DKK2: variants seen among roughly 807,000 people sequenced by gnomAD.
DKK2 encodes the protein dickkopf-related protein 2.
Under a neutral mutation model 28.1 loss-of-function variants are expected in DKK2, and 11 were observed. The observed-to-expected ratio is 0.39, with a 90% confidence interval of 0.25 to 0.65. The LOEUF (loss-of-function observed/expected upper bound fraction) is 0.65. Ranked by LOEUF, DKK2 falls within the 30% of genes least tolerant of loss-of-function variation. DKK2 has a pLI of 0.47. For missense variants in DKK2, 326 were observed against 335.5 expected (o/e 0.97, Z 0.22); for synonymous variants, 135 against 126.5 (o/e 1.07, Z -0.45).
chr4:107,032,997 G>C lies in DKK2; in HGVS notation c.222+2373C>G, dbSNP rs948164513. Among the ~76,000 whole-genome samples, 11 of 150,942 alleles carry C rather than the reference G, an allele frequency of 7.3e-5. No individual in the cohort carries two copies. In the South Asian group the frequency reaches 1.0e-3, roughly 14 times the overall value. Reference sequence around the variant, plus strand: ...AACTATAGAATAAAAAAGATAAAGAGACTCATAAGTATCCAAAGAATTATT... The same window carrying C: ...AACTATAGAATAAAAAAGATAAAGACACTCATAAGTATCCAAAGAATTATT... On this transcript the variant is annotated intron_variant, in intron 1 of 3. Transcript: ENST00000285311.
At chr4:106,966,850 C>G (rs1722787922) in intron 1 of DKK2, among the ~76,000 whole-genome samples, 1 of 152,140 alleles carries the variant, frequency 6.6e-6, no homozygotes, top group African/African-American at 2.4e-5. Context: ...CAGGAAAGAC[C>G]TACCCTCATA....
rs148156213 is a variant in DKK2, at chr4:106,953,724, C to A, written c.223-27775G>T. Among the ~76,000 whole-genome samples, 119 of 152,298 alleles carry A rather than the reference C, an allele frequency of 7.8e-4. 1 individual carries two copies. The highest frequency in any genetic ancestry group is 2.6e-3 in the African/African-American group (109 of 41,562). On this transcript the variant is annotated intron_variant, in intron 1 of 3. Transcript: ENST00000285311. ...CTCCTTCAGAAGTGGAACACTTTAACCTCTTTCTGACATTTCAGAATCACA... is the reference window on the plus strand; with the variant it reads ...CTCCTTCAGAAGTGGAACACTTTAAACTCTTTCTGACATTTCAGAATCACA...
intron 1 of DKK2, among the ~76,000 whole-genome samples, chr4:106,935,334 G>C (rs984177651): frequency 6.6e-6 from 1 of 152,178 alleles, no homozygotes. Flanking sequence ...TTCCCTTTCC[G>C]AGTCAAAGAA....
intron 1 of DKK2, among the ~76,000 whole-genome samples, chr4:106,941,711 G>T (rs1054155439): frequency 6.6e-6 from 1 of 151,972 alleles, no homozygotes; most frequent in Non-Finnish European, 1.5e-5. Context: ...ATAATGATAG[G>T]GTTAAGCATC....
intron 1 of DKK2, among the ~76,000 whole-genome samples, chr4:106,959,211 T>C (rs539093401): frequency 2.6e-5 from 4 of 152,260 alleles, no homozygotes; most frequent in African/African-American, 9.6e-5. Context: ...ATTCCAAACA[T>C]ATAAAAGGGT....
At chr4:106,954,239 A>G (rs1262301396) in intron 1 of DKK2, among the ~76,000 whole-genome samples, 1 of 152,174 alleles carries the variant, frequency 6.6e-6, no homozygotes. Flanking sequence ...AAGGCAAGCT[A>G]TTATCTAAAA....
chr4:106,978,942 C>T (rs1315674638), intron 1 of DKK2, among the ~76,000 whole-genome samples: 1 of 152,112 alleles, frequency 6.6e-6, no homozygotes, highest in Non-Finnish European at 1.5e-5. Context: ...GTGGGAAAAG[C>T]ATAGTGTCTG....
chr4:106,970,174 G>A (rs1219481935), intron 1 of DKK2, among the ~76,000 whole-genome samples: 4 of 152,044 alleles, frequency 2.6e-5, no homozygotes, highest in African/African-American at 9.7e-5. Context: ...CAATATTGTT[G>A]TCTACTTCAC....
intron 1 of DKK2, among the ~76,000 whole-genome samples, chr4:106,964,005 T>C (rs555910304): frequency 1.3e-5 from 2 of 152,314 alleles, no homozygotes; most frequent in South Asian, 4.1e-4. Flanking sequence ...CTGTATTCTG[T>C]ATTATGTTGC....
At chr4:106,988,559 A>G (rs1723158733) in intron 1 of DKK2, among the ~76,000 whole-genome samples, 1 of 152,160 alleles carries the variant, frequency 6.6e-6, no homozygotes, top group Non-Finnish European at 1.5e-5. Context: ...GCTGTGCACA[A>G]TTCCAAATTA....
chr4:106,939,296 C>G (rs940984760), intron 1 of DKK2, among the ~76,000 whole-genome samples: 2 of 152,156 alleles, frequency 1.3e-5, no homozygotes, highest in Non-Finnish European at 2.9e-5. Context: ...ACAAAAATCA[C>G]AAGCATTCTT....
chr4:106,925,750 A>T (rs752947485), intron 2 of DKK2, 49 bp downstream of exon 2: 2 of 1,564,754 alleles, frequency 1.3e-6, no homozygotes, highest in Non-Finnish European at 8.6e-7. Flanking sequence ...AGACAGGCTT[A>T]TGATGATGAA....
chr4:107,013,642 T>C (rs1303480088), intron 1 of DKK2, among the ~76,000 whole-genome samples: 1 of 151,470 alleles, frequency 6.6e-6, no homozygotes, highest in Non-Finnish European at 1.5e-5. Flanking sequence ...AATAAATTTT[T>C]AGATAGGGCC....
At chr4:107,021,392 A>C (rs947997316) in intron 1 of DKK2, among the ~76,000 whole-genome samples, 1 of 152,120 alleles carries the variant, frequency 6.6e-6, no homozygotes, top group Admixed American at 6.6e-5. Flanking sequence ...CTACATAAAA[A>C]TATCAAAGGA....
intron 1 of DKK2, among the ~76,000 whole-genome samples, chr4:106,949,076 G>A (rs1166783175): frequency 6.6e-6 from 1 of 152,072 alleles, no homozygotes; most frequent in Non-Finnish European, 1.5e-5. Context: ...ATGATGATCT[G>A]TAAAATAGCC....
chr4:107,023,365 A>G (rs574610696), intron 1 of DKK2, among the ~76,000 whole-genome samples: 1 of 152,180 alleles, frequency 6.6e-6, no homozygotes, highest in East Asian at 1.9e-4. Context: ...AATATATACT[A>G]CTAAGTGAAA....
Position 107,017,880 on chromosome 4 carries a change from T to G in DKK2, c.222+17490A>C, listed in dbSNP as rs17037219. ...AGACTACTTACCTTTGGAATGTGGT[T>G]GCTCAATATTTACCAATGATTGAAA... On this transcript the variant is annotated intron_variant, in intron 1 of 3. Transcript: ENST00000285311. 4.8e-3 allele frequency among the ~76,000 whole-genome samples: 732 copies of G among 152,198 alleles called. 6 individuals are homozygous for G. The highest frequency in any genetic ancestry group is 0.017 in the African/African-American group (706 of 41,548).
chr4:106,993,169 CTT>C (rs1459895785), intron 1 of DKK2, among the ~76,000 whole-genome samples: 1 of 152,214 alleles, frequency 6.6e-6, no homozygotes, highest in African/African-American at 2.4e-5. Flanking sequence ...CCTCTGGAGT[CTT>C]GCTTAATTCC....
intron 1 of DKK2, among the ~76,000 whole-genome samples, chr4:106,931,221 T>C (rs954827122): frequency 1.1e-4 from 17 of 152,268 alleles, no homozygotes; most frequent in African/African-American, 4.1e-4. Context: ...GATTGAGCTA[T>C]ATTAAATTTA....
Sources: gnomAD v4.1 joint callset for allele counts (sites outside exome capture counted in the v4.1 genomes callset) on GRCh38, gnomAD v4.1.1 for gene constraint, MANE v1.5 for transcripts, NCBI Gene and HGNC (gene_info 2026-07-23, HGNC 2026-07-21) for gene names.